EEF2KMT: variants seen among roughly 807,000 people sequenced by gnomAD.
EEF2KMT encodes the protein eukaryotic elongation factor 2 lysine methyltransferase, also known as protein-lysine N-methyltransferase EEF2KMT.
In EEF2KMT, 30 loss-of-function variants were observed where a neutral mutation model predicts 35.1. The ratio of observed to expected loss-of-function variants is 0.85; its 90% CI spans 0.64 to 1.16. The LOEUF is 1.16. Among genes scored for constraint, EEF2KMT ranks in the 50% most tolerant of loss-of-function variants. The probability of loss-of-function intolerance (pLI) is 0.00; values close to 1 mark genes in which losing one functional copy is unlikely to be tolerated. For missense variants in EEF2KMT, 499 were observed against 438.2 expected, an observed-to-expected ratio of 1.14 and a Z score of -1.24; for synonymous variants, 190 against 187.7, an observed-to-expected ratio of 1.01 and a Z score of -0.10.
intron 2 of EEF2KMT, 125 bp from the exon 3 acceptor site, chr16:5,093,689 A>G (rs1476090823): frequency 5.2e-6 from 8 of 1,526,264 alleles, no homozygotes; most frequent in Non-Finnish European, 7.0e-6. Context: ...GTAGATGGAC[A>G]CAGCGTTTTG....
rs709261 is a variant in EEF2KMT, at chr16:5,084,971, A to G, written c.*661T>C. ...CTCAGGGCAAACCCTTTCGAGCAGC[A>G]CCTCCCAGTGGCCAGAAGCTGAAAT... On this transcript the variant is annotated 3_prime_UTR_variant, in exon 8 of 8. Transcript: ENST00000427587. The G allele has an allele frequency of 1.9e-6, 3 of 1,589,810 alleles. No homozygotes were observed. The African/African-American group carries it at 4.0e-5, about 21-fold the overall frequency.
intron 3 of EEF2KMT, among the ~76,000 whole-genome samples, chr16:5,092,760 C>T (rs866997872): frequency 1.3e-5 from 2 of 152,114 alleles, no homozygotes; most frequent in Non-Finnish European, 2.9e-5. Context: ...GTCAGGAGTT[C>T]GAGACCAGCC....
At chr16:5,088,792 G>A (rs531696046) in intron 7 of EEF2KMT, among the ~76,000 whole-genome samples, 31 of 152,222 alleles carry the variant, frequency 2.0e-4, no homozygotes, top group African/African-American at 6.7e-4. Context: ...CCCTGACCCC[G>A]ACTGCCCCTC....
At chr16:5,089,437 G>A (rs1957293702) in intron 6 of EEF2KMT, 181 bp from the exon 7 acceptor site, 1 of 846,752 alleles carries the variant, frequency 1.2e-6, no homozygotes, top group Non-Finnish European at 1.8e-6. Flanking sequence ...ACCCTTAGTA[G>A]AGAAAGCTGC....
At chr16:5,091,966 C>T in intron 3 of EEF2KMT, 71 bp from the exon 4 acceptor site, 3 of 1,598,142 alleles carry the variant, frequency 1.9e-6, no homozygotes, top group Admixed American at 1.7e-5. Flanking sequence ...TGATTTTCAC[C>T]AAGTTTGGAG....
rs201887912 is a variant in EEF2KMT at position 5,090,369 on chromosome 16, C to T, written c.477-20G>A. ...ACAGTCCTGGCGGGAGGAAAGGGGACCGTGTCTGCGACTGCACCAGGGTAA... is the reference window on the plus strand; with the variant it reads ...ACAGTCCTGGCGGGAGGAAAGGGGATCGTGTCTGCGACTGCACCAGGGTAA... On this transcript the variant is annotated intron_variant, in intron 5 of 7. Coordinates refer to ENST00000427587, the MANE Select transcript of EEF2KMT (RefSeq NM_201400.4). The surrounding 1 kb of genome is among the most constrained non-coding windows in gnomAD (Gnocchi z 4.1). The T allele has an allele frequency of 7.4e-6, 12 of 1,612,032 alleles. No individual in the cohort carries two copies. The South Asian group carries it at 1.1e-4, about 15-fold the overall frequency.
chr16:5,087,821 A>AAAAC (rs796155903), intron 7 of EEF2KMT, among the ~76,000 whole-genome samples: 1 of 133,266 alleles, frequency 7.5e-6, no homozygotes, highest in Admixed American at 7.8e-5. Context: ...AAAAAAAAAA[A>AAAAC]GGTGGGTGGG....
In EEF2KMT at chr16:5,097,729, T is replaced by A; in HGVS notation, c.11A>T (p.Glu4Val). The change falls in exon 1 of 8, where the codon GAG becomes GTG. Residue 4 changes from glutamate to valine, a missense_variant. Coordinates refer to ENST00000427587, the MANE Select transcript of EEF2KMT (RefSeq NM_201400.4). ...CAAGAGTTCGGTCCCCGCGTTCTCC[T>A]CGGGCGCCATGACGTGGGCGGGGCC... MAPEENAGTELLLQ... is the reference protein window; with the variant it reads MAPVENAGTELLLQ... The A allele has an allele frequency of 2.6e-6, 4 of 1,565,394 alleles. No individual in the cohort carries two copies. In the South Asian group the frequency reaches 4.7e-5, roughly 18 times the overall value.
At chr16:5,088,273 T>A (rs897441967) in intron 7 of EEF2KMT, among the ~76,000 whole-genome samples, 1 of 152,094 alleles carries the variant, frequency 6.6e-6, no homozygotes, top group Non-Finnish European at 1.5e-5. Context: ...GGGGACTCTG[T>A]CGTGGAACCC....
rs1162120984 is a variant in EEF2KMT, at chr16:5,090,413, C to T, written c.476+19G>A. The T allele has an allele frequency of 6.2e-7, 1 of 1,611,996 alleles. No individual in the cohort carries two copies. Among genetic ancestry groups the T allele is most frequent in the Non-Finnish European group, 8.5e-7 (1 of 1,179,852 alleles). On this transcript the variant is annotated intron_variant, in intron 5 of 7. Transcript: ENST00000427587. This position sits in a 1 kb window ranked among gnomAD's most constrained non-coding sequence, Gnocchi z 4.1. Reference sequence around the variant, plus strand: ...AGGGTAAGCCTGCCTCGGTGCCCTGCCCTGCGCCCCGAGGTCACCTGTTAG... The same window carrying T: ...AGGGTAAGCCTGCCTCGGTGCCCTGTCCTGCGCCCCGAGGTCACCTGTTAG...
At chr16:5,086,058 G>A (rs773075103) in intron 7 of EEF2KMT, among the ~76,000 whole-genome samples, 2 of 152,212 alleles carry the variant, frequency 1.3e-5, no homozygotes, top group African/African-American at 2.4e-5. Context: ...GAAAGCGGCC[G>A]GGCACAGTGG....
At chr16:5,096,634 A>C (rs376435318) in intron 1 of EEF2KMT, among the ~76,000 whole-genome samples, 17 of 152,208 alleles carry the variant, frequency 1.1e-4, no homozygotes, top group African/African-American at 4.1e-4. Flanking sequence ...ACACAGGGCC[A>C]GGGGCTGGGC....
At position 5,090,948 on chromosome 16, in the gene EEF2KMT, C is replaced by T. The variant is rs1299973100; in HGVS notation, c.343-383G>A. Among the ~76,000 whole-genome samples the T allele has an allele frequency of 6.6e-6, 1 of 151,960 alleles. No homozygotes were observed. The highest frequency in any genetic ancestry group is 2.4e-5 in the African/African-American group (1 of 41,360). ...ATGTTTTATCTTATTTTTTTTTGAGCTCTGTCACCCAGGCTGGAGTCAGTG... is the reference window on the plus strand; with the variant it reads ...ATGTTTTATCTTATTTTTTTTTGAGTTCTGTCACCCAGGCTGGAGTCAGTG... On this transcript the variant is annotated intron_variant, in intron 4 of 7. Coordinates refer to ENST00000427587, the MANE Select transcript of EEF2KMT (RefSeq NM_201400.4). The surrounding 1 kb of genome is among the most constrained non-coding windows in gnomAD (Gnocchi z 4.1).
chr16:5,093,384 G>C (rs1245314960), intron 3 of EEF2KMT, 100 bp downstream of exon 3: 20 of 1,575,206 alleles, frequency 1.3e-5, no homozygotes, highest in Non-Finnish European at 1.6e-5. Flanking sequence ...CTGCCATGCT[G>C]GGGTTTGCAA....
rs1567182498 is a variant in EEF2KMT at position 5,095,628 on chromosome 16, G to A, written c.97-114C>T. The A allele has an allele frequency of 1.4e-5, 21 of 1,527,648 alleles. No homozygotes were observed. The South Asian group carries it at 2.0e-4, about 15-fold the overall frequency. 94.6% of individuals were successfully genotyped at this position (1,527,648 alleles called of 1,614,324 possible). A position where few individuals can be genotyped will look rare whatever the true frequency, so the allele number is the denominator to read the frequency against. On this transcript the variant is annotated intron_variant, in intron 1 of 7. Coordinates refer to ENST00000427587, the MANE Select transcript of EEF2KMT (RefSeq NM_201400.4). ...ATCCCTCCCTGGGGACGTGGAGCCA[G>A]TTGGAAGTGGAAGCCACAGCGGCTG...
chr16:5,089,195 G>A lies in EEF2KMT; in HGVS notation c.804C>T (p.Ala268=), dbSNP rs1438140289. The A allele has an allele frequency of 9.3e-6, 15 of 1,610,944 alleles. No individual in the cohort carries two copies. The highest frequency in any genetic ancestry group is 2.1e-4 in the Middle Eastern group (1 of 4,874). Reference sequence around the variant, plus strand: ...CAGGAGCCCGCTGGTGCTCCCGGCAGGCAGCCAGCCTCCGCAGGACCCCGA... The same window carrying A: ...CAGGAGCCCGCTGGTGCTCCCGGCAAGCAGCCAGCCTCCGCAGGACCCCGA... ...SLVGVLRRLA[A]CREHQRAPEV... Residue 268 remains alanine (A), a synonymous_variant, in exon 7 of 8, where the codon GCC becomes GCT. Coordinates refer to ENST00000427587, the MANE Select transcript of EEF2KMT (RefSeq NM_201400.4).
rs544310996 is a variant in EEF2KMT at position 5,084,589 on chromosome 16, C to T, written c.*1043G>A. 3.3e-3 allele frequency: 3,660 copies of T among 1,107,516 alleles called. 9 individuals carry two copies. Among genetic ancestry groups the T allele is most frequent in the Non-Finnish European group, 3.9e-3 (2,996 of 763,536 alleles). The allele number at this position is 1,107,516 out of a possible 1,614,324, so 68.6% of individuals were successfully genotyped here. A position where few individuals can be genotyped will look rare whatever the true frequency, so the allele number is the denominator to read the frequency against. ...AGAAACTGTGATGTCAAGTTGGAGG[C>T]GGAGTGCTGCTGGGGTGTGAAGGGT... is the stretch of plus-strand genomic sequence containing the variant. On this transcript the variant is annotated 3_prime_UTR_variant, in exon 8 of 8. Coordinates refer to ENST00000427587, the MANE Select transcript of EEF2KMT (RefSeq NM_201400.4).
At chr16:5,085,948 C>T (rs1318392265) in intron 7 of EEF2KMT, among the ~76,000 whole-genome samples, 1 of 152,192 alleles carries the variant, frequency 6.6e-6, no homozygotes, top group Non-Finnish European at 1.5e-5. Flanking sequence ...GCAGCAGGCA[C>T]CGTGCCGCTG....
In EEF2KMT at chr16:5,093,584, G is replaced by C; in HGVS notation, c.160-20C>G. 2 of 1,611,958 alleles carry C rather than the reference G, an allele frequency of 1.2e-6. No homozygotes were observed. Among genetic ancestry groups the C allele is most frequent in the Non-Finnish European group, 1.7e-6 (2 of 1,179,820 alleles). ...CACAGTCTACGGCAAAGGACAGAAC[G>C]TTGGTTGCTCGAGAGCCCGTCTTAA... On this transcript the variant is annotated intron_variant, in intron 2 of 7. Coordinates refer to ENST00000427587, the MANE Select transcript of EEF2KMT (RefSeq NM_201400.4).
Sources: allele counts gnomAD v4.1 joint callset (sites outside exome capture counted in the v4.1 genomes callset), GRCh38; gene constraint gnomAD v4.1.1; non-coding constraint Gnocchi (gnomAD v3.1); transcripts MANE v1.5; gene names NCBI Gene and HGNC (gene_info 2026-07-23, HGNC 2026-07-21).